HSD11B2: variants seen among roughly 807,000 people sequenced by gnomAD.
The protein encoded by HSD11B2 is hydroxysteroid 11-beta dehydrogenase 2, also known as 11-beta-hydroxysteroid dehydrogenase type 2.
A neutral mutation model predicts 20.9 loss-of-function variants in HSD11B2; 17 were observed. That is an observed-to-expected ratio of 0.81 (90% CI 0.56 to 1.22). HSD11B2 has a LOEUF of 1.22. Among genes scored for constraint, HSD11B2 ranks in the 50% most tolerant of loss-of-function variants. The pLI, the probability that HSD11B2 is intolerant of heterozygous loss-of-function variation, is 0.00. For missense variants in HSD11B2, 480 were observed against 563.6 expected, an observed-to-expected ratio of 0.85 and a Z score of 1.50; for synonymous variants, 253 against 255.4, an observed-to-expected ratio of 0.99 and a Z score of 0.09.
Position 67,431,523 on chromosome 16 carries a change from C to A in HSD11B2, c.265+10C>A. Reference sequence around the variant, plus strand: ...GCGGTGCTCATCACCGGTGAGTGCGCGGGTCGCGGAGCGCGGGGACTCCAG... The same window carrying A: ...GCGGTGCTCATCACCGGTGAGTGCGAGGGTCGCGGAGCGCGGGGACTCCAG... On this transcript the variant is annotated intron_variant, in intron 1 of 4. Transcript: ENST00000326152. The A allele has an allele frequency of 7.3e-7, 1 of 1,372,460 alleles. No homozygotes were observed. The highest frequency in any genetic ancestry group is 1.5e-5 in the African/African-American group (1 of 66,398). 85.0% of individuals were successfully genotyped at this position (1,372,460 alleles called of 1,614,324 possible). A position where few individuals can be genotyped will look rare whatever the true frequency, so the allele number is the denominator to read the frequency against.
chr16:67,431,747 A>G (rs1015277148), intron 1 of HSD11B2, among the ~76,000 whole-genome samples: 4 of 152,104 alleles, frequency 2.6e-5, no homozygotes, highest in African/African-American at 9.7e-5. Flanking sequence ...TGAGACAGGG[A>G]GTGGGCCGGT....
chr16:67,431,778 T>G (rs916680175), intron 1 of HSD11B2, among the ~76,000 whole-genome samples: 1 of 152,136 alleles, frequency 6.6e-6, no homozygotes, highest in African/African-American at 2.4e-5. Context: ...AACTGACTGG[T>G]GGCTGAGAAG....
chr16:67,437,096 A>C lies in HSD11B2; in HGVS notation c.*93A>C. 8 of 1,319,248 alleles carry C rather than the reference A, an allele frequency of 6.1e-6. No homozygotes were observed. The highest frequency in any genetic ancestry group is 8.4e-6 in the Non-Finnish European group (8 of 954,918). 81.7% of individuals were successfully genotyped at this position (1,319,248 alleles called of 1,614,324 possible). On this transcript the variant is annotated 3_prime_UTR_variant, in exon 5 of 5. Transcript: ENST00000326152. Reference sequence around the variant, plus strand: ...AAACCCCCAGCATTACGATCCCCCAAGTGTCCTGGACCCTGGCCTAAAGAA... The same window carrying C: ...AAACCCCCAGCATTACGATCCCCCACGTGTCCTGGACCCTGGCCTAAAGAA...
intron 1 of HSD11B2, among the ~76,000 whole-genome samples, chr16:67,434,302 G>T (rs375341160): frequency 6.6e-6 from 1 of 152,192 alleles, no homozygotes; most frequent in Non-Finnish European, 1.5e-5. Context: ...GTGAAGTGGG[G>T]ATGGGCCTCC....
intron 1 of HSD11B2, 55 bp downstream of exon 1, chr16:67,431,568 C>T: frequency 3.9e-6 from 5 of 1,288,238 alleles, no homozygotes; most frequent in Non-Finnish European, 4.9e-6. Context: ...CGGGACTGGA[C>T]ACTCAACAGG....
Position 67,431,288 on chromosome 16 carries a change from C to T in HSD11B2, c.40C>T (p.Leu14Phe), listed in dbSNP as rs1346185799. ...TTGGCCGTCGGGCGGCGCCTGGCTG[C>T]TCGTGGCTGCCCGCGCGCTGCTGCA... is the stretch of plus-strand genomic sequence containing the variant. ...WPWPSGGAWL[L>F]VAARALLQLL... Residue 14 changes from leucine to phenylalanine, a missense_variant, in exon 1 of 5, where the codon CTC becomes TTC. Leu to Phe is a conservative substitution (Grantham distance 22). Around this residue, in one of 2 missense-constraint regions of HSD11B2, gnomAD observed 106 missense variants for 82.8 expected, o/e 1.28. Coordinates refer to ENST00000326152, the MANE Select transcript of HSD11B2 (RefSeq NM_000196.4). 3.0e-5 allele frequency: 38 copies of T among 1,268,768 alleles called. 1 individual carries two copies. In the East Asian group the frequency reaches 1.4e-3, roughly 47 times the overall value. The allele number at this position is 1,268,768 out of a possible 1,614,324, so 78.6% of individuals were successfully genotyped here.
rs1567531154 is a variant in HSD11B2 at position 67,437,020 on chromosome 16, G to C, written c.*17G>C. On this transcript the variant is annotated 3_prime_UTR_variant, in exon 5 of 5. Transcript: ENST00000326152. ...GCTCGGTGAGCCATGTGCACCTATG[G>C]CCCAGCCACTGCAGCACAGGAGGCT... 2 of 1,604,142 alleles carry C rather than the reference G, an allele frequency of 1.2e-6. No individual in the cohort carries two copies.
chr16:67,434,047 G>C (rs1472732727), intron 1 of HSD11B2, among the ~76,000 whole-genome samples: 1 of 152,118 alleles, frequency 6.6e-6, no homozygotes, highest in Non-Finnish European at 1.5e-5. Flanking sequence ...AAGGAGGCAG[G>C]GGCTTATCAG....
At chr16:67,432,240 C>T (rs1397826235) in intron 1 of HSD11B2, among the ~76,000 whole-genome samples, 1 of 149,628 alleles carries the variant, frequency 6.7e-6, no homozygotes, top group Non-Finnish European at 1.5e-5. Flanking sequence ...AAATCTGTCA[C>T]CAGAGGGAGG....
chr16:67,437,196 T>C lies in HSD11B2; in HGVS notation c.*193T>C, dbSNP rs1175352832. 1 of 625,822 alleles carries C rather than the reference T, an allele frequency of 1.6e-6. No individual in the cohort carries two copies. Among genetic ancestry groups the C allele is most frequent in the South Asian group, 1.9e-5 (1 of 51,388 alleles). 38.8% of individuals were successfully genotyped at this position (625,822 alleles called of 1,614,324 possible). ...AGGCCAAGGTTTCCCAGTGAGCCTCTGCGCCTCTCCACTGTTTCATGAGCC... is the reference window on the plus strand; with the variant it reads ...AGGCCAAGGTTTCCCAGTGAGCCTCCGCGCCTCTCCACTGTTTCATGAGCC... On this transcript the variant is annotated 3_prime_UTR_variant, in exon 5 of 5. Transcript: ENST00000326152.
rs555179846 is a variant in HSD11B2 at position 67,433,917 on chromosome 16, G to A, written c.266-1711G>A. On this transcript the variant is annotated intron_variant, in intron 1 of 4. Coordinates refer to ENST00000326152, the MANE Select transcript of HSD11B2 (RefSeq NM_000196.4). ...CTTCTGTTCCAGAAGATGGGGGTTG[G>A]GGGGCGGGGTTGAGGGCCAGGGGTG... Among the ~76,000 whole-genome samples the A allele has an allele frequency of 2.6e-5, 4 of 152,058 alleles. No individual in the cohort carries two copies. In the South Asian group the frequency reaches 6.2e-4, roughly 24 times the overall value.
intron 1 of HSD11B2, among the ~76,000 whole-genome samples, chr16:67,433,499 G>A (rs908698600): frequency 6.6e-6 from 1 of 152,046 alleles, no homozygotes; most frequent in African/African-American, 2.4e-5. Context: ...CAGCCAGGTT[G>A]GAAGTGTGTA....
At position 67,437,152 on chromosome 16, in the gene HSD11B2, G is replaced by A. The variant is rs994155326; in HGVS notation, c.*149G>A. On this transcript the variant is annotated 3_prime_UTR_variant, in exon 5 of 5. Transcript: ENST00000326152. Reference sequence around the variant, plus strand: ...CCCCCACTTCATGCCCACTGCCGATGCCCAATCCAGGCCCGGTGAGGCCAA... The same window carrying A: ...CCCCCACTTCATGCCCACTGCCGATACCCAATCCAGGCCCGGTGAGGCCAA... 8.2e-6 allele frequency: 7 copies of A among 850,766 alleles called. No homozygotes were observed. The highest frequency in any genetic ancestry group is 1.3e-5 in the Non-Finnish European group (7 of 555,234). The allele number at this position is 850,766 out of a possible 1,614,324, so 52.7% of individuals were successfully genotyped here.
At chr16:67,433,725 CACATAT>C (rs753036844) in intron 1 of HSD11B2, among the ~76,000 whole-genome samples, 1 of 114,668 alleles carries the variant, frequency 8.7e-6, no homozygotes, top group South Asian at 2.6e-4. Context: ...CACACACACA[CACATAT>C]GCTTGCCTCC....
In HSD11B2 at chr16:67,436,275, G is replaced by C. The variant is rs1567530603; in HGVS notation, c.691G>C (p.Ala231Pro). Residue 231 changes from alanine to proline, a missense_variant, in exon 4 of 5, where the codon GCC (alanine) becomes CCC (proline). By Grantham distance (27) the Ala-to-Pro change is conservative. Around this residue, in one of 2 missense-constraint regions of HSD11B2, gnomAD observed 374 missense variants for 480.9 expected, o/e 0.78. Coordinates refer to ENST00000326152, the MANE Select transcript of HSD11B2 (RefSeq NM_000196.4). The surrounding 1 kb of genome is among the most constrained non-coding windows in gnomAD (Gnocchi z 5.7). ...GGACATGCCATATCCGTGCTTGGGGGCCTATGGAACCTCCAAAGCGGCCGT... is the reference window on the plus strand; with the variant it reads ...GGACATGCCATATCCGTGCTTGGGGCCCTATGGAACCTCCAAAGCGGCCGT... The part of the protein sequence containing the change: ...AGDMPYPCLG[A>P]YGTSKAAVAL... 6.2e-7 allele frequency: 1 copy of C among 1,614,060 alleles called. No homozygotes were observed. Among genetic ancestry groups the C allele is most frequent in the South Asian group, 1.1e-5 (1 of 91,078 alleles).
At chr16:67,435,511 C>G (rs1165961488) in intron 1 of HSD11B2, 117 bp from the exon 2 acceptor site, 1 of 790,150 alleles carries the variant, frequency 1.3e-6, no homozygotes. Context: ...GGGTTGTTGA[C>G]TGCTGGTGGC....
chr16:67,436,490 G>T lies in HSD11B2; in HGVS notation c.803-98G>T. ...TGAATGGTCATGGTTTTGGTTGGGGGTGTAGTTTTGGCTGCAGACCTGGCG... is the reference window on the plus strand; with the variant it reads ...TGAATGGTCATGGTTTTGGTTGGGGTTGTAGTTTTGGCTGCAGACCTGGCG... On this transcript the variant is annotated intron_variant, in intron 4 of 4. Coordinates refer to ENST00000326152, the MANE Select transcript of HSD11B2 (RefSeq NM_000196.4). This position sits in a 1 kb window ranked among gnomAD's most constrained non-coding sequence, Gnocchi z 5.7. 1 of 1,547,318 alleles carries T rather than the reference G, an allele frequency of 6.5e-7. No individual in the cohort carries two copies. The highest frequency in any genetic ancestry group is 8.8e-7 in the Non-Finnish European group (1 of 1,138,280).
rs72650119 is a variant in HSD11B2 at position 67,435,861 on chromosome 16, A to G, written c.478+21A>G. 38 of 1,613,834 alleles carry G rather than the reference A, an allele frequency of 2.4e-5. No individual in the cohort carries two copies. In the African/African-American group the frequency reaches 4.9e-4, roughly 21 times the overall value. On this transcript the variant is annotated intron_variant, in intron 2 of 4. Transcript: ENST00000326152. ...CACCGGTCAGTGGCAAGTGTCCACC[A>G]GGCAAGGGCGTGGCAGGGGAGTGGG...
In HSD11B2 at chr16:67,435,870, CGTGGCAGGGGA is replaced by C. The variant is rs775672505; in HGVS notation, c.478+35_478+45del. On this transcript the variant is annotated intron_variant, in intron 2 of 4. Transcript: ENST00000326152. ...GTGGCAAGTGTCCACCAGGCAAGGG[CGTGGCAGGGGA>C]GTGGGAAGGACACGGGGACTGGAAG... is the stretch of plus-strand genomic sequence containing the variant. 39 of 1,613,538 alleles carry C rather than the reference CGTGGCAGGGGA, an allele frequency of 2.4e-5. No individual in the cohort carries two copies. In the African/African-American group the frequency reaches 4.8e-4, roughly 20 times the overall value.
Sources: gnomAD v4.1 joint callset for allele counts (sites outside exome capture counted in the v4.1 genomes callset) on GRCh38, gnomAD v4.1.1 for gene constraint, gnomAD v4.1.1 regional missense constraint, Gnocchi (gnomAD v3.1) non-coding constraint, MANE v1.5 for transcripts, NCBI Gene and HGNC (gene_info 2026-07-23, HGNC 2026-07-21) for gene names.